ERC2: variants seen among roughly 807,000 people sequenced by gnomAD.
ERC2 encodes the protein ELKS/RAB6-interacting/CAST family member 2.
A neutral mutation model predicts 114.8 loss-of-function variants in ERC2; 42 were observed. The observed-to-expected ratio is 0.37, with a 90% CI of 0.29 to 0.47. The LOEUF is 0.47. Ranked by LOEUF, ERC2 falls within the 20% of genes least tolerant of loss-of-function variation. ERC2 has a pLI of 0.99. For missense variants in ERC2, 939 were observed against 1,150.7 expected, an observed-to-expected ratio of 0.82 and a Z score of 2.66; for synonymous variants, 454 against 425.5, an observed-to-expected ratio of 1.07 and a Z score of -0.82.
At chr3:55,737,150 T>C (rs546378243) in intron 14 of ERC2, among the ~76,000 whole-genome samples, 16 of 152,326 alleles carry the variant, frequency 1.1e-4, no homozygotes, top group Admixed American at 7.2e-4. Flanking sequence ...GGTCATTATT[T>C]GGATCTCAGA....
chr3:55,718,112 T>G (rs1226713231), intron 15 of ERC2, among the ~76,000 whole-genome samples: 1 of 152,140 alleles, frequency 6.6e-6, no homozygotes, highest in East Asian at 1.9e-4. Context: ...ACCCAAGCAG[T>G]GAAAAATTGT....
At chr3:56,041,434 T>C (rs1247786262) in intron 7 of ERC2, among the ~76,000 whole-genome samples, 2 of 152,164 alleles carry the variant, frequency 1.3e-5, no homozygotes, top group East Asian at 1.9e-4. Flanking sequence ...TCACCACTTC[T>C]GGCAGATGTA....
At chr3:55,584,454 C>T (rs1220217366) in intron 17 of ERC2, among the ~76,000 whole-genome samples, 1 of 152,058 alleles carries the variant, frequency 6.6e-6, no homozygotes, top group East Asian at 1.9e-4. Flanking sequence ...CCTTCCTCTA[C>T]CCTTGCCTCG....
At chr3:55,669,756 C>T (rs750188214) in intron 17 of ERC2, among the ~76,000 whole-genome samples, 1 of 152,184 alleles carries the variant, frequency 6.6e-6, no homozygotes, top group Non-Finnish European at 1.5e-5. Context: ...CCATCCCAGC[C>T]AGGTGGTTTT....
At chr3:55,661,446 T>C (rs2061132505) in intron 17 of ERC2, among the ~76,000 whole-genome samples, 1 of 152,144 alleles carries the variant, frequency 6.6e-6, no homozygotes, top group Non-Finnish European at 1.5e-5. Flanking sequence ...GCCTCGTCTC[T>C]CCTCTCCTCC....
chr3:55,970,745 T>G (rs1393158306), intron 12 of ERC2, among the ~76,000 whole-genome samples: 1 of 152,178 alleles, frequency 6.6e-6, no homozygotes, highest in East Asian at 1.9e-4. Context: ...CTAGCGGGAA[T>G]GTAAAATGGC....
rs548549053 is a variant in ERC2 at position 56,366,701 on chromosome 3, G to A, written c.657+67650C>T. ...TTCTATTTTGCATTGTGCTGTCTCC[G>A]TGTTGTTTGCCATGAAGACAATCAC... On this transcript the variant is annotated intron_variant, in intron 2 of 17. Coordinates refer to ENST00000288221, the MANE Select transcript of ERC2 (RefSeq NM_015576.3). 9.2e-5 allele frequency among the ~76,000 whole-genome samples: 14 copies of A among 152,144 alleles called. 1 individual carries two copies. Among genetic ancestry groups the A allele is most frequent in the South Asian group, 2.1e-4 (1 of 4,810 alleles).
intron 15 of ERC2, among the ~76,000 whole-genome samples, chr3:55,717,546 C>G (rs983574493): frequency 6.6e-6 from 1 of 152,168 alleles, no homozygotes; most frequent in African/African-American, 2.4e-5. Flanking sequence ...TGAAAACCAG[C>G]AGGCACATAT....
At chr3:56,167,450 G>C (rs2082379471) in intron 4 of ERC2, among the ~76,000 whole-genome samples, 1 of 152,054 alleles carries the variant, frequency 6.6e-6, no homozygotes, top group African/African-American at 2.4e-5. Flanking sequence ...AGAGTTTGGG[G>C]GGAAAGGGAA....
chr3:56,273,475 C>T (rs1271817474), intron 3 of ERC2, among the ~76,000 whole-genome samples: 1 of 151,926 alleles, frequency 6.6e-6, no homozygotes, highest in Non-Finnish European at 1.5e-5. Context: ...AAACTCCTGG[C>T]CTCAAGCAAT....
In ERC2 at chr3:55,682,690, GAAT is replaced by G. The variant is rs539880588; in HGVS notation, c.*39+1101_*39+1103del. On this transcript the variant is annotated intron_variant, in intron 17 of 17. Transcript: ENST00000288221. ...CCCAAAGAATTGTCCCACACCTGTT[GAAT>G]CTCCAGCACTGTGTCATTTCATGCT... 7.0e-4 allele frequency among the ~76,000 whole-genome samples: 106 copies of G among 152,298 alleles called. No homozygotes were observed. In the South Asian group the frequency reaches 7.9e-3, roughly 11 times the overall value.
chr3:56,057,734 G>A (rs929409594), intron 7 of ERC2, among the ~76,000 whole-genome samples: 2 of 152,132 alleles, frequency 1.3e-5, no homozygotes, highest in Non-Finnish European at 2.9e-5. Context: ...CTTGGGATAC[G>A]TCAGTACACA....
chr3:56,306,481 G>A (rs778340192), intron 2 of ERC2, among the ~76,000 whole-genome samples: 9 of 152,098 alleles, frequency 5.9e-5, no homozygotes, highest in African/African-American at 1.2e-4. Flanking sequence ...AATATTGAAC[G>A]GAAGAAGTAA....
At chr3:56,420,177 CT>C (rs34883402) in intron 2 of ERC2, among the ~76,000 whole-genome samples, 1,866 of 72,288 alleles carry the variant, frequency 0.026, 5 homozygotes, top group East Asian at 0.046. Context: ...AGTGGTTATA[CT>C]TTTTTTTTTT....
Position 55,524,411 on chromosome 3 carries a change from C to T in ERC2, c.*40-13135G>A, listed in dbSNP as rs561746202. Among the ~76,000 whole-genome samples, 8 of 152,200 alleles carry T rather than the reference C, an allele frequency of 5.3e-5. No homozygotes were observed. In the South Asian group the frequency reaches 1.7e-3, roughly 32 times the overall value. The stretch of plus-strand genomic sequence containing the variant: ...ATTCCCTGCCTCCAACCTGGGGCAC[C>T]TCTGGCAGCCAGCCACGTTGGCAGC... On this transcript the variant is annotated intron_variant, in intron 17 of 17. Transcript: ENST00000288221.
chr3:56,010,945 A>G (rs2072879433), intron 8 of ERC2, among the ~76,000 whole-genome samples: 2 of 152,336 alleles, frequency 1.3e-5, no homozygotes, highest in South Asian at 4.1e-4. Flanking sequence ...AGCCTTGCAC[A>G]GGAAAGGGGA....
chr3:56,330,987 T>G (rs1299786574), intron 2 of ERC2, among the ~76,000 whole-genome samples: 1 of 152,200 alleles, frequency 6.6e-6, no homozygotes, highest in African/African-American at 2.4e-5. Context: ...TGTCTCAACA[T>G]CCAGCAATTG....
At chr3:56,064,799 T>G (rs182064020) in intron 7 of ERC2, among the ~76,000 whole-genome samples, 23 of 152,362 alleles carry the variant, frequency 1.5e-4, no homozygotes, top group African/African-American at 5.5e-4. Context: ...TTGAGCAAAC[T>G]GCAGCCCATG....
chr3:56,377,889 A>C (rs2059605353), intron 2 of ERC2, among the ~76,000 whole-genome samples: 1 of 152,092 alleles, frequency 6.6e-6, no homozygotes, highest in Non-Finnish European at 1.5e-5. Context: ...AAACAAAAAA[A>C]GTATCGGAGC....
Sources: gnomAD v4.1 joint callset for allele counts (sites outside exome capture counted in the v4.1 genomes callset) on GRCh38, gnomAD v4.1.1 for gene constraint, MANE v1.5 for transcripts, NCBI Gene and HGNC (gene_info 2026-07-23, HGNC 2026-07-21) for gene names.